The following BCAT2 variants were observed in gnomAD, a reference collection of about 807,000 sequenced individuals.
The protein encoded by BCAT2 is branched-chain-amino-acid aminotransferase, mitochondrial.
Under a neutral mutation model 52.9 loss-of-function variants are expected in BCAT2, and 44 were observed. The observed-to-expected ratio is 0.83, with a 90% CI of 0.65 to 1.07. BCAT2 has a LOEUF of 1.07. Ranked by LOEUF, BCAT2 falls within the 50% of genes least tolerant of loss-of-function variation. BCAT2 has a pLI of 0.00. For missense variants in BCAT2, 478 were observed against 521.8 expected, an observed-to-expected ratio of 0.92 and a Z score of 0.82; for synonymous variants, 215 against 217.1, an observed-to-expected ratio of 0.99 and a Z score of 0.08.
chr19:48,800,433 T>C, intron 3 of BCAT2, 136 bp from the exon 4 acceptor site: 2 of 730,188 alleles, frequency 2.7e-6, no homozygotes, highest in Non-Finnish European at 2.3e-6. Context: ...CCGGGGAGAT[T>C]TAGCAGCTGG....
Position 48,797,008 on chromosome 19 carries a change from T to C in BCAT2, c.853A>G (p.Thr285Ala). The C allele has an allele frequency of 6.2e-7, 1 of 1,614,122 alleles. No individual in the cohort carries two copies. The highest frequency in any genetic ancestry group is 2.2e-5 in the East Asian group (1 of 44,882). ...AGGATAACACCATTCAGCGGGGGCG[T>C]CACCAGCTCCAGCACTAGGGCAGGT... ...THEDGVLELVTPPLNGVILPG... is the reference protein window; with the variant it reads ...THEDGVLELVAPPLNGVILPG... The change falls in exon 8 of 11, where the codon ACG (threonine) becomes GCG (alanine). Residue 285 changes from threonine to alanine, a missense_variant. Coordinates refer to ENST00000316273, the MANE Select transcript of BCAT2 (RefSeq NM_001190.4).
chr19:48,810,753 T>TTTAAC, intron 1 of BCAT2: 1 of 984,608 alleles, frequency 1.0e-6, no homozygotes, highest in Non-Finnish European at 1.3e-6. Context: ...TTTTTTTTTT[T>TTTAAC]ACCTCCCCGC....
At chr19:48,804,166 T>C (rs546395011) in intron 3 of BCAT2, among the ~76,000 whole-genome samples, 3 of 151,460 alleles carry the variant, frequency 2.0e-5, no homozygotes, top group East Asian at 2.0e-4. Flanking sequence ...CATAAATAAA[T>C]AAACAAACAA....
intron 3 of BCAT2, among the ~76,000 whole-genome samples, chr19:48,801,767 G>A (rs1216542656): frequency 6.6e-6 from 1 of 151,900 alleles, no homozygotes; most frequent in Non-Finnish European, 1.5e-5. Context: ...CTCCCAAGTA[G>A]CTGGGATTAC....
chr19:48,800,277 C>T lies in BCAT2; in HGVS notation c.321G>A (p.Ala107=), dbSNP rs2034630425. ...YSLQLFEGMK[A]FKGKDQQVRL... ...GCACCTGCTGGTCTTTGCCTTTGAA[C>T]GCCTTCATGCCCTCAAACAGCTGCG... is the stretch of plus-strand genomic sequence containing the variant. The change falls in exon 4 of 11, where the codon GCG becomes GCA. Residue 107 remains alanine (A), a synonymous_variant. Transcript: ENST00000316273. The T allele has an allele frequency of 1.9e-6, 3 of 1,613,698 alleles. No individual in the cohort carries two copies. Among genetic ancestry groups the T allele is most frequent in the African/African-American group, 1.3e-5 (1 of 75,056 alleles).
rs140412937 is a variant in BCAT2 at position 48,810,010 on chromosome 19, GA to G, written c.24+973del. ...AGTTCAGGGCCATTCTATGACACCA[GA>G]ACTGTGCCATGATGAGACGGTCCAC... is the stretch of plus-strand genomic sequence containing the variant. On this transcript the variant is annotated intron_variant, in intron 1 of 10. Coordinates refer to ENST00000316273, the MANE Select transcript of BCAT2 (RefSeq NM_001190.4). Among the ~76,000 whole-genome samples, 76 of 152,090 alleles carry G rather than the reference GA, an allele frequency of 5.0e-4. 1 individual carries two copies. The East Asian group carries it at 0.013, about 27-fold the overall frequency.
At chr19:48,803,961 C>T (rs556494557) in intron 3 of BCAT2, among the ~76,000 whole-genome samples, 58 of 152,138 alleles carry the variant, frequency 3.8e-4, no homozygotes, top group African/African-American at 1.2e-3. Context: ...GAGTTTGAGA[C>T]CAGCCTGGCC....
intron 3 of BCAT2, among the ~76,000 whole-genome samples, chr19:48,801,233 CAG>C (rs2034651158): frequency 6.7e-6 from 1 of 150,266 alleles, no homozygotes. Context: ...TGCACCCAGC[CAG>C]ACTTTTTTTT....
At position 48,807,337 on chromosome 19, in the gene BCAT2, G is replaced by C; in HGVS notation, c.25-263C>G. On this transcript the variant is annotated intron_variant, in intron 1 of 10. Transcript: ENST00000316273. This position sits in a 1 kb window ranked among gnomAD's most constrained non-coding sequence, Gnocchi z 4.6. ...TCAAACGCAAGCGCCTCCCACCCCA[G>C]AGACCTTTGGTCGCAGCCTGGAGAT... The C allele has an allele frequency of 2.5e-6, 1 of 396,900 alleles. No individual in the cohort carries two copies. Among genetic ancestry groups the C allele is most frequent in the Non-Finnish European group, 4.6e-6 (1 of 217,334 alleles). The allele number at this position is 396,900 out of a possible 1,614,324, so 24.6% of individuals were successfully genotyped here.
intron 1 of BCAT2, chr19:48,808,399 A>AT: frequency 7.7e-5 from 24 of 311,770 alleles, no homozygotes; most frequent in Non-Finnish European, 1.1e-4. Context: ...GCGCACAAAC[A>AT]GAAAAAAAAA....
At chr19:48,808,127 C>T (rs189145448) in intron 1 of BCAT2, 5 of 987,028 alleles carry the variant, frequency 5.1e-6, no homozygotes, top group East Asian at 1.1e-4. Context: ...GGGCCTGCAG[C>T]GTGGTCTTGC....
rs756498241 is a variant in BCAT2, at chr19:48,797,146, C to T, written c.838+45G>A. On this transcript the variant is annotated intron_variant, in intron 7 of 10. Coordinates refer to ENST00000316273, the MANE Select transcript of BCAT2 (RefSeq NM_001190.4). ...TGTAACCTGCCAGGAATGATGGTGC[C>T]ACCCACTTCCACCAGGGTTCGGGCT... 7 of 1,610,082 alleles carry T rather than the reference C, an allele frequency of 4.3e-6. No individual in the cohort carries two copies. The African/African-American group carries it at 5.3e-5, about 12-fold the overall frequency.
At chr19:48,800,378 C>G (rs2122667390) in intron 3 of BCAT2, 81 bp from the exon 4 acceptor site, 1 of 1,248,068 alleles carries the variant, frequency 8.0e-7, no homozygotes, top group East Asian at 2.4e-5. Context: ...GAGACAGATA[C>G]ACAAAGACAC....
At position 48,807,236 on chromosome 19, in the gene BCAT2, C is replaced by T; in HGVS notation, c.25-162G>A. 1 of 602,576 alleles carries T rather than the reference C, an allele frequency of 1.7e-6. No homozygotes were observed. The highest frequency in any genetic ancestry group is 2.9e-6 in the Non-Finnish European group (1 of 347,016). 37.3% of individuals were successfully genotyped at this position (602,576 alleles called of 1,614,324 possible). A position where few individuals can be genotyped will look rare whatever the true frequency, so the allele number is the denominator to read the frequency against. On this transcript the variant is annotated intron_variant, in intron 1 of 10. Transcript: ENST00000316273. This position sits in a 1 kb window ranked among gnomAD's most constrained non-coding sequence, Gnocchi z 4.6. The stretch of plus-strand genomic sequence containing the variant: ...CAGGTGGTCCTGAAGGAGGCCAAGT[C>T]CCCTCCCTGCCCTGACGAGGGCTCG...
intron 3 of BCAT2, among the ~76,000 whole-genome samples, chr19:48,801,896 C>T (rs141687194): frequency 1.3e-4 from 19 of 151,494 alleles, no homozygotes; most frequent in African/African-American, 3.9e-4. Context: ...CTCGGCCTCC[C>T]AAAGTGCTGG....
chr19:48,806,472 G>A lies in BCAT2; in HGVS notation c.300+45C>T, dbSNP rs1379933967. ...CTGGCAAGAGACACAGCAAGGAGGAGGAGATGCAGACAGGGACAGGGAGAG... is the reference window on the plus strand; with the variant it reads ...CTGGCAAGAGACACAGCAAGGAGGAAGAGATGCAGACAGGGACAGGGAGAG... On this transcript the variant is annotated intron_variant, in intron 3 of 10. Coordinates refer to ENST00000316273, the MANE Select transcript of BCAT2 (RefSeq NM_001190.4). 1.4e-5 allele frequency: 23 copies of A among 1,603,384 alleles called. No individual in the cohort carries two copies. In the East Asian group the frequency reaches 5.1e-4, roughly 36 times the overall value.
rs1599808050 is a variant in BCAT2, at chr19:48,806,425, A to G, written c.300+92T>C. Reference sequence around the variant, plus strand: ...TGCACAGAAAGGAGAAACACACAACAAACAAACCAAGAGAGGTACACCTGG... The same window carrying G: ...TGCACAGAAAGGAGAAACACACAACGAACAAACCAAGAGAGGTACACCTGG... On this transcript the variant is annotated intron_variant, in intron 3 of 10. Transcript: ENST00000316273. The G allele has an allele frequency of 7.3e-6, 11 of 1,507,092 alleles. No individual in the cohort carries two copies. The East Asian group carries it at 2.5e-4, about 34-fold the overall frequency. The allele number at this position is 1,507,092 out of a possible 1,614,324, so 93.4% of individuals were successfully genotyped here. A position where few individuals can be genotyped will look rare whatever the true frequency, so the allele number is the denominator to read the frequency against.
chr19:48,805,391 C>T (rs1213106072), intron 3 of BCAT2, among the ~76,000 whole-genome samples: 1 of 152,102 alleles, frequency 6.6e-6, no homozygotes, highest in Non-Finnish European at 1.5e-5. Context: ...AGGGCTCTTA[C>T]TATACCCAGA....
chr19:48,796,983 A>T lies in BCAT2; in HGVS notation c.878T>A (p.Leu293Gln), dbSNP rs762090147. The change falls in exon 8 of 11, where the codon CTG (leucine) becomes CAG (glutamine). Residue 293 changes from leucine (L) to glutamine (Q), a missense_variant. Leu to Gln is a moderately radical substitution (Grantham distance 113, BLOSUM62 -2). Transcript: ENST00000316273. ...TAGACTCTGTCTGACCACTCCAGGC[A>T]GGATAACACCATTCAGCGGGGGCGT... ...LVTPPLNGVI[L>Q]PGVVRQSLLD... 2 of 1,614,210 alleles carry T rather than the reference A, an allele frequency of 1.2e-6. No individual in the cohort carries two copies. Among genetic ancestry groups the T allele is most frequent in the Non-Finnish European group, 1.7e-6 (2 of 1,180,030 alleles).
Sources: allele counts gnomAD v4.1 joint callset (sites outside exome capture counted in the v4.1 genomes callset), GRCh38; gene constraint gnomAD v4.1.1; non-coding constraint Gnocchi (gnomAD v3.1); transcripts MANE v1.5; gene names NCBI Gene and HGNC (gene_info 2026-07-23, HGNC 2026-07-21).